PAPSS1: variants seen among roughly 807,000 people sequenced by gnomAD.
PAPSS1 encodes the protein bifunctional 3'-phosphoadenosine 5'-phosphosulfate synthase 1.
PAPSS1 carries 50 observed loss-of-function variants against 72.0 expected under a neutral mutation model. The ratio of observed to expected loss-of-function variants is 0.69; its 90% CI spans 0.55 to 0.88. The LOEUF is 0.88. PAPSS1 is among the 40% of genes least tolerant of loss of function. The pLI, the probability that PAPSS1 is intolerant of heterozygous loss-of-function variation, is 0.00. For synonymous variants in PAPSS1, 261 were observed against 263.6 expected, an observed-to-expected ratio of 0.99 and a Z score of 0.09; for missense variants, 657 against 782.2, an observed-to-expected ratio of 0.84 and a Z score of 1.91.
chr4:107,691,864 T>A (rs892352433), intron 3 of PAPSS1, among the ~76,000 whole-genome samples: 1 of 152,170 alleles, frequency 6.6e-6, no homozygotes, highest in Non-Finnish European at 1.5e-5. Context: ...CAACAGTCAA[T>A]GAATTGGGTT....
intron 5 of PAPSS1, among the ~76,000 whole-genome samples, chr4:107,661,260 A>C (rs1727175336): frequency 6.6e-6 from 1 of 152,214 alleles, no homozygotes; most frequent in Non-Finnish European, 1.5e-5. Flanking sequence ...GTGGGGATGC[A>C]AAATGGTACA....
chr4:107,719,700 G>A (rs1310683289), intron 1 of PAPSS1: 3 of 657,608 alleles, frequency 4.6e-6, no homozygotes, highest in Non-Finnish European at 5.8e-6. Flanking sequence ...CGCGTCGAAG[G>A]CGCCCGCCTC....
Position 107,631,810 on chromosome 4 carries a change from A to G in PAPSS1, c.1557T>C (p.Ile519=), listed in dbSNP as rs751061864. ...GCATGCCAGCAGGGTCTCGTCCAAC[A>G]ATGTAAAAGTTGGCTCCTGCAACCA... is the stretch of plus-strand genomic sequence containing the variant. ...ARMVAGANFY[I]VGRDPAGMPH... Residue 519 remains isoleucine, a synonymous_variant, in exon 11 of 12, where the codon ATT becomes ATC. Transcript: ENST00000265174. 1 of 1,614,104 alleles carries G rather than the reference A, an allele frequency of 6.2e-7. No individual in the cohort carries two copies. The highest frequency in any genetic ancestry group is 1.1e-5 in the South Asian group (1 of 91,078).
At chr4:107,705,197 CTTT>C (rs1723308693) in intron 1 of PAPSS1, among the ~76,000 whole-genome samples, 1 of 152,138 alleles carries the variant, frequency 6.6e-6, no homozygotes, top group Non-Finnish European at 1.5e-5. Context: ...AGTATTCCCT[CTTT>C]AATTTTTTGG....
intron 5 of PAPSS1, among the ~76,000 whole-genome samples, chr4:107,676,535 G>A (rs938028805): frequency 1.6e-4 from 24 of 152,198 alleles, no homozygotes; most frequent in African/African-American, 5.8e-4. Flanking sequence ...AAATAAAAGA[G>A]GATACAAACA....
chr4:107,676,460 A>G (rs1727652192), intron 5 of PAPSS1, among the ~76,000 whole-genome samples: 1 of 152,214 alleles, frequency 6.6e-6, no homozygotes, highest in African/African-American at 2.4e-5. Flanking sequence ...TAAAATACCT[A>G]GGAATCCAGC....
At chr4:107,681,693 C>T (rs913179690) in intron 5 of PAPSS1, among the ~76,000 whole-genome samples, 3 of 152,180 alleles carry the variant, frequency 2.0e-5, no homozygotes, top group African/African-American at 7.2e-5. Context: ...AAATATAATA[C>T]TATCAAGTTA....
intron 10 of PAPSS1, among the ~76,000 whole-genome samples, chr4:107,642,815 T>C (rs1265718618): frequency 6.6e-6 from 1 of 152,158 alleles, no homozygotes; most frequent in African/African-American, 2.4e-5. Flanking sequence ...ACTCAAGTAC[T>C]GGTGAGGCAA....
In PAPSS1 at chr4:107,654,817, C is replaced by T. The variant is rs760652522; in HGVS notation, c.979G>A (p.Ala327Thr). The T allele has an allele frequency of 5.0e-6, 8 of 1,613,974 alleles. No individual in the cohort carries two copies. The highest frequency in any genetic ancestry group is 6.8e-6 in the Non-Finnish European group (8 of 1,179,896). Residue 327 changes from alanine (A) to threonine (T), a missense_variant, in exon 8 of 12, where the codon GCT (alanine) becomes ACT (threonine). By Grantham distance (58) the Ala-to-Thr change is moderately conservative. Coordinates refer to ENST00000265174, the MANE Select transcript of PAPSS1 (RefSeq NM_005443.5). ...ACACGGCGGCCCTCATACATCAGAG[C>T]AAATGCTGTACAGCCGTCCAGCCTC... ...KERLDGCTAF[A>T]LMYEGRRVAI...
chr4:107,685,933 G>A (rs941355260), intron 4 of PAPSS1, among the ~76,000 whole-genome samples: 7 of 152,188 alleles, frequency 4.6e-5, no homozygotes, highest in African/African-American at 1.4e-4. Context: ...AAAGTTACCT[G>A]CATGACTCAC....
intron 11 of PAPSS1, among the ~76,000 whole-genome samples, chr4:107,617,207 C>CT (rs111248344): frequency 1.0e-3 from 133 of 132,770 alleles, no homozygotes; most frequent in Non-Finnish European, 1.3e-3. Context: ...GAGTCTTCGG[C>CT]TTTTTTTTTT....
intron 1 of PAPSS1, among the ~76,000 whole-genome samples, chr4:107,704,827 T>G (rs1184352651): frequency 6.6e-6 from 1 of 152,082 alleles, no homozygotes; most frequent in African/African-American, 2.4e-5. Context: ...GGCATGCACC[T>G]GTAGTCCCAG....
intron 1 of PAPSS1, among the ~76,000 whole-genome samples, chr4:107,707,923 T>G (rs1003066727): frequency 6.6e-6 from 1 of 152,158 alleles, no homozygotes; most frequent in African/African-American, 2.4e-5. Flanking sequence ...AGGATCTCTT[T>G]TCCTACCTTC....
In PAPSS1 at chr4:107,691,082, A is replaced by G. The variant is rs117158595; in HGVS notation, c.411+2689T>C. ...GGTTTCAAGAAATGGTTTTTACAGA[A>G]TGTTTTAGGACTCCTGCCATGGTTC... is the stretch of plus-strand genomic sequence containing the variant. On this transcript the variant is annotated intron_variant, in intron 3 of 11. Transcript: ENST00000265174. 7.9e-4 allele frequency among the ~76,000 whole-genome samples: 121 copies of G among 152,242 alleles called. 1 individual carries two copies. In the East Asian group the frequency reaches 0.022, roughly 28 times the overall value.
intron 5 of PAPSS1, among the ~76,000 whole-genome samples, chr4:107,664,998 T>G (rs1359802251): frequency 2.0e-5 from 3 of 152,186 alleles, no homozygotes; most frequent in Non-Finnish European, 4.4e-5. Flanking sequence ...CCTCACAACT[T>G]CAATACAAAA....
chr4:107,719,471 C>T (rs1723719895), intron 1 of PAPSS1, among the ~76,000 whole-genome samples: 1 of 152,204 alleles, frequency 6.6e-6, no homozygotes, highest in Non-Finnish European at 1.5e-5. Context: ...TGGTCCCATA[C>T]CTGACTGTCA....
chr4:107,692,700 A>T (rs796530129), intron 3 of PAPSS1, among the ~76,000 whole-genome samples: 8 of 152,220 alleles, frequency 5.3e-5, no homozygotes, highest in African/African-American at 1.9e-4. Context: ...GTTCACTGCA[A>T]CACTATTCAC....
At chr4:107,647,542 G>A (rs924943435) in intron 9 of PAPSS1, among the ~76,000 whole-genome samples, 1 of 152,102 alleles carries the variant, frequency 6.6e-6, no homozygotes, top group Non-Finnish European at 1.5e-5. Flanking sequence ...TATGTCATCT[G>A]CCTCTCTATG....
At chr4:107,636,401 A>G (rs781053454) in intron 10 of PAPSS1, among the ~76,000 whole-genome samples, 2 of 152,212 alleles carry the variant, frequency 1.3e-5, no homozygotes, top group African/African-American at 2.4e-5. Flanking sequence ...AACGAAACAA[A>G]CGTTCTAGGC....
Sources: gnomAD v4.1 joint callset for allele counts (sites outside exome capture counted in the v4.1 genomes callset) on GRCh38, gnomAD v4.1.1 for gene constraint, MANE v1.5 for transcripts, NCBI Gene and HGNC (gene_info 2026-07-23, HGNC 2026-07-21) for gene names.